Variants in PRDM5 observed in about 807,000 individuals in gnomAD.
The protein encoded by PRDM5 is PR domain zinc finger protein 5.
Under a neutral mutation model 81.2 loss-of-function variants are expected in PRDM5, and 56 were observed. The observed-to-expected ratio is 0.69, with a 90% CI of 0.56 to 0.86. PRDM5 has a LOEUF of 0.86. Ranked by LOEUF, PRDM5 falls within the 40% of genes least tolerant of loss-of-function variation. PRDM5 has a pLI of 0.00. For missense variants in PRDM5, 697 were observed against 770.1 expected (o/e 0.91, Z 1.12); for synonymous variants, 267 against 256.4 (o/e 1.04, Z -0.39).
chr4:120,843,897 T>A (rs1758340897), intron 3 of PRDM5, among the ~76,000 whole-genome samples: 1 of 152,100 alleles, frequency 6.6e-6, no homozygotes, highest in Non-Finnish European at 1.5e-5. Flanking sequence ...ATTTCTTGTG[T>A]CTATAAAGTC....
chr4:120,855,184 G>A (rs991143275), intron 2 of PRDM5, among the ~76,000 whole-genome samples: 2 of 152,150 alleles, frequency 1.3e-5, no homozygotes, highest in African/African-American at 4.8e-5. Context: ...AATACAGTCT[G>A]CCTGTTCCTT....
chr4:120,780,985 A>T (rs1240694079), intron 12 of PRDM5, among the ~76,000 whole-genome samples, 158 bp downstream of exon 12: 1 of 152,196 alleles, frequency 6.6e-6, no homozygotes, highest in East Asian at 1.9e-4. Flanking sequence ...AGATGAAGAA[A>T]GTGAACATTG....
intron 2 of PRDM5, among the ~76,000 whole-genome samples, chr4:120,881,902 A>G (rs1039014674): frequency 5.9e-5 from 9 of 152,200 alleles, no homozygotes; most frequent in African/African-American, 2.2e-4. Flanking sequence ...AACTGAAATA[A>G]TTTCTTTTAC....
chr4:120,907,675 C>G (rs1579203571), intron 1 of PRDM5, 118 bp from the exon 2 acceptor site: 8 of 813,192 alleles, frequency 9.8e-6, no homozygotes, highest in African/African-American at 1.7e-5. Context: ...AGAAGAGATG[C>G]TTTTGAAATA....
chr4:120,920,790 T>C (rs1028397544), intron 1 of PRDM5, among the ~76,000 whole-genome samples: 3 of 152,090 alleles, frequency 2.0e-5, no homozygotes, highest in Admixed American at 1.3e-4. Context: ...TGAAAATCTG[T>C]ATGTGTTTTA....
chr4:120,759,577 T>A (rs1251982394), intron 13 of PRDM5, among the ~76,000 whole-genome samples: 2 of 152,230 alleles, frequency 1.3e-5, no homozygotes, highest in African/African-American at 2.4e-5. Context: ...TTTGCCTTCA[T>A]TATTTCAAAT....
intron 15 of PRDM5, among the ~76,000 whole-genome samples, chr4:120,703,924 A>AT (rs1024174373): frequency 3.3e-5 from 5 of 150,922 alleles, no homozygotes; most frequent in African/African-American, 4.9e-5. Flanking sequence ...CACCATTAAA[A>AT]ATATATATAA....
intron 14 of PRDM5, among the ~76,000 whole-genome samples, chr4:120,737,287 T>C (rs761601366): frequency 6.6e-6 from 1 of 152,082 alleles, no homozygotes; most frequent in African/African-American, 2.4e-5. Context: ...TTCAGAGTAA[T>C]AGGTGTACAG....
chr4:120,728,988 A>G (rs1164883579), intron 14 of PRDM5, among the ~76,000 whole-genome samples: 1 of 152,226 alleles, frequency 6.6e-6, no homozygotes, highest in Non-Finnish European at 1.5e-5. Flanking sequence ...AGAAGCTAGG[A>G]AACTGAAGCC....
At chr4:120,871,450 TGG>T (rs1761777676) in intron 2 of PRDM5, among the ~76,000 whole-genome samples, 2 of 152,180 alleles carry the variant, frequency 1.3e-5, no homozygotes, top group Non-Finnish European at 2.9e-5. Flanking sequence ...CCTCCTGATA[TGG>T]TCTGACCAGT....
At chr4:120,843,194 C>T (rs1220729226) in intron 3 of PRDM5, among the ~76,000 whole-genome samples, 3 of 152,050 alleles carry the variant, frequency 2.0e-5, no homozygotes, top group East Asian at 1.9e-4. Context: ...ATCAGCCAGG[C>T]GTGATGATGT....
At chr4:120,758,054 C>T (rs550870712) in intron 13 of PRDM5, among the ~76,000 whole-genome samples, 25 of 152,180 alleles carry the variant, frequency 1.6e-4, no homozygotes, top group African/African-American at 5.3e-4. Context: ...CAGGCCTTTG[C>T]TCTTGGACTG....
rs555311826 is a variant in PRDM5, at chr4:120,883,991, T to C, written c.177+23483A>G. ...TACACATTTAAAAGGGTAAATTTTG[T>C]GGTGTATAAATCTTAATAAAACTGC... On this transcript the variant is annotated intron_variant, in intron 2 of 15. Transcript: ENST00000264808. Among the ~76,000 whole-genome samples the C allele has an allele frequency of 1.7e-3, 266 of 152,292 alleles. 1 individual carries two copies. The highest frequency in any genetic ancestry group is 5.9e-3 in the African/African-American group (245 of 41,564).
At chr4:120,922,421 A>C in intron 1 of PRDM5, 95 bp downstream of exon 1, 2 of 1,198,258 alleles carry the variant, frequency 1.7e-6, no homozygotes, top group Non-Finnish European at 2.1e-6. Flanking sequence ...ACCGGGGTGA[A>C]GCCCGCCGCG....
intron 13 of PRDM5, among the ~76,000 whole-genome samples, chr4:120,770,016 ATTTATTTG>A (rs1278752071): frequency 5.9e-5 from 7 of 117,890 alleles, no homozygotes; most frequent in Non-Finnish European, 1.1e-4. Context: ...CTATTTATTT[ATTTATTTG>A]TTTGTTTGTT....
intron 13 of PRDM5, among the ~76,000 whole-genome samples, chr4:120,761,272 G>A (rs927462107): frequency 6.6e-6 from 1 of 152,122 alleles, no homozygotes; most frequent in Non-Finnish European, 1.5e-5. Context: ...GGAACATCTG[G>A]ATGCCACATG....
intron 14 of PRDM5, among the ~76,000 whole-genome samples, chr4:120,745,431 G>A (rs1157059278): frequency 3.4e-5 from 5 of 146,688 alleles, no homozygotes; most frequent in African/African-American, 1.3e-4. Context: ...GTTCTGGCCA[G>A]GGCAGTTAGG....
intron 3 of PRDM5, among the ~76,000 whole-genome samples, chr4:120,843,504 G>C (rs1321968047): frequency 6.6e-6 from 1 of 151,086 alleles, no homozygotes; most frequent in Non-Finnish European, 1.5e-5. Context: ...AGAGTTCAAG[G>C]CCAGCCTGGG....
intron 14 of PRDM5, among the ~76,000 whole-genome samples, chr4:120,748,997 T>C (rs929010566): frequency 7.2e-5 from 11 of 152,050 alleles, no homozygotes; most frequent in African/African-American, 2.7e-4. Flanking sequence ...AGGAAATTAA[T>C]CTAGAATTAA....
Sources: gnomAD v4.1 joint callset for allele counts (sites outside exome capture counted in the v4.1 genomes callset) on GRCh38, gnomAD v4.1.1 for gene constraint, MANE v1.5 for transcripts, NCBI Gene and HGNC (gene_info 2026-07-23, HGNC 2026-07-21) for gene names.